EPB41L5: variants seen among roughly 807,000 people sequenced by gnomAD.
EPB41L5 encodes the protein band 4.1-like protein 5.
In EPB41L5, 55 loss-of-function variants were observed where a neutral mutation model predicts 106.6. The ratio of observed to expected loss-of-function variants is 0.52; its 90% CI spans 0.42 to 0.65. The LOEUF (loss-of-function observed/expected upper bound fraction) is 0.65. EPB41L5 is among the 30% of genes least tolerant of loss of function. The probability of loss-of-function intolerance (pLI) is 0.00; values close to 1 mark genes in which losing one functional copy is unlikely to be tolerated. For synonymous variants in EPB41L5, 297 were observed against 306.7 expected (o/e 0.97, Z 0.33); for missense variants, 871 against 882.1 (o/e 0.99, Z 0.16).
rs539456762 is a variant in EPB41L5 at position 120,178,695 on chromosome 2, A to G, written c.*3788A>G. The G allele has an allele frequency of 4.6e-5, 7 of 152,334 alleles. No individual in the cohort carries two copies. Among genetic ancestry groups the G allele is most frequent in the Non-Finnish European group, 8.8e-5 (6 of 68,034 alleles). 9.4% of individuals were successfully genotyped at this position (152,334 alleles called of 1,614,324 possible). ...GTTTGAATTATAGAAATTTGCCCTG[A>G]GCTGAACTGGGTTGTGTTAACACAT... is the stretch of plus-strand genomic sequence containing the variant. On this transcript the variant is annotated 3_prime_UTR_variant, in exon 25 of 25. Transcript: ENST00000263713.
At chr2:120,040,772 G>C (rs546141395) in intron 2 of EPB41L5, among the ~76,000 whole-genome samples, 2 of 152,068 alleles carry the variant, frequency 1.3e-5, no homozygotes, top group Non-Finnish European at 2.9e-5. Context: ...TGAAGGCATG[G>C]TCAAGTTCTT....
intron 16 of EPB41L5, among the ~76,000 whole-genome samples, chr2:120,115,700 T>G (rs892825728): frequency 4.6e-5 from 7 of 152,252 alleles, no homozygotes; most frequent in Admixed American, 4.6e-4. Flanking sequence ...CTCTCTATTT[T>G]AAAACATTGT....
chr2:120,098,359 C>T (rs545560874), intron 14 of EPB41L5, among the ~76,000 whole-genome samples: 3 of 151,738 alleles, frequency 2.0e-5, no homozygotes, highest in African/African-American at 4.8e-5. Flanking sequence ...ACTACAGGCA[C>T]GCACCCTCAC....
chr2:120,124,348 C>G (rs1278928972), intron 16 of EPB41L5, among the ~76,000 whole-genome samples: 1 of 152,166 alleles, frequency 6.6e-6, no homozygotes, highest in Non-Finnish European at 1.5e-5. Flanking sequence ...GAAGTACATG[C>G]ATTCTTTTAT....
intron 20 of EPB41L5, among the ~76,000 whole-genome samples, chr2:120,158,919 A>G (rs1455577161): frequency 1.3e-5 from 2 of 152,200 alleles, no homozygotes; most frequent in South Asian, 2.1e-4. Context: ...GTGTACAAAA[A>G]TCACTAGCAT....
intron 13 of EPB41L5, among the ~76,000 whole-genome samples, chr2:120,092,531 G>T (rs1683489885): frequency 6.6e-6 from 1 of 152,094 alleles, no homozygotes; most frequent in Non-Finnish European, 1.5e-5. Context: ...CCTTGTGTTT[G>T]GTTTTAAACT....
chr2:120,032,427 G>A (rs1371196906), intron 2 of EPB41L5, among the ~76,000 whole-genome samples: 2 of 152,158 alleles, frequency 1.3e-5, no homozygotes, highest in Non-Finnish European at 2.9e-5. Flanking sequence ...GCTGTGATAT[G>A]TAATAATAAG....
chr2:120,163,502 A>G (rs1574785637), intron 21 of EPB41L5, among the ~76,000 whole-genome samples: 1 of 152,096 alleles, frequency 6.6e-6, no homozygotes, highest in African/African-American at 2.4e-5. Context: ...TTATTTTACA[A>G]ACAGAAGCAC....
intron 20 of EPB41L5, among the ~76,000 whole-genome samples, chr2:120,154,938 A>C (rs1686838117): frequency 1.3e-5 from 2 of 152,160 alleles, no homozygotes; most frequent in African/African-American, 4.8e-5. Flanking sequence ...AACAAAAAAA[A>C]AATTGCATAT....
At chr2:120,014,312 G>A (rs1343969648) in intron 1 of EPB41L5, among the ~76,000 whole-genome samples, 1 of 152,090 alleles carries the variant, frequency 6.6e-6, no homozygotes, top group Non-Finnish European at 1.5e-5. Flanking sequence ...CTTCTAGTTA[G>A]GAACTAGAGT....
intron 2 of EPB41L5, among the ~76,000 whole-genome samples, chr2:120,032,151 G>C (rs1678754404): frequency 6.6e-6 from 1 of 152,120 alleles, no homozygotes; most frequent in South Asian, 2.1e-4. Flanking sequence ...GGGAGGCTGA[G>C]GTGGGCGTAT....
At chr2:120,029,492 A>G (rs781513168) in intron 2 of EPB41L5, among the ~76,000 whole-genome samples, 4 of 152,178 alleles carry the variant, frequency 2.6e-5, no homozygotes, top group Non-Finnish European at 5.9e-5. Context: ...TTTTATATAC[A>G]TAGGTAGAGA....
chr2:120,164,076 G>A lies in EPB41L5; in HGVS notation c.1888-760G>A, dbSNP rs1196362260. The stretch of plus-strand genomic sequence containing the variant: ...CGGCTCACTGCAACCTCCACCTCCC[G>A]GGTTCATGCCATTCTCCTGCCTCAG... On this transcript the variant is annotated intron_variant, in intron 21 of 24. Transcript: ENST00000263713. Among the ~76,000 whole-genome samples, 3 of 132,190 alleles carry A rather than the reference G, an allele frequency of 2.3e-5. No individual in the cohort carries two copies. The South Asian group carries it at 7.4e-4, about 33-fold the overall frequency. The allele number at this position is 132,190 out of a possible 152,430, so 86.7% of individuals were successfully genotyped here. A position where few individuals can be genotyped will look rare whatever the true frequency, so the allele number is the denominator to read the frequency against.
At chr2:120,169,071 C>T (rs1463580827) in intron 24 of EPB41L5, among the ~76,000 whole-genome samples, 1 of 151,972 alleles carries the variant, frequency 6.6e-6, no homozygotes, top group Admixed American at 6.6e-5. Context: ...CAGATGAAAG[C>T]AGAGCTTATC....
intron 17 of EPB41L5, among the ~76,000 whole-genome samples, chr2:120,131,193 T>C (rs1713071): frequency 0.24 from 37,121 of 152,088 alleles, 4,787 homozygotes; most frequent in South Asian, 0.35. Context: ...TTGTTCCACA[T>C]AAATTTAGTT....
chr2:120,102,087 G>A (rs1684175586), intron 16 of EPB41L5, among the ~76,000 whole-genome samples: 1 of 152,156 alleles, frequency 6.6e-6, no homozygotes, highest in Non-Finnish European at 1.5e-5. Context: ...TGTTTGCAAG[G>A]AAAAATAGTA....
intron 24 of EPB41L5, 44 bp from the exon 25 acceptor site, chr2:120,174,797 A>G: frequency 6.3e-7 from 1 of 1,582,826 alleles, no homozygotes; most frequent in Non-Finnish European, 8.7e-7. Context: ...TCCTCCTCCA[A>G]ACCCCAGGGG....
chr2:120,127,702 T>C lies in EPB41L5; in HGVS notation c.1352T>C (p.Ile451Thr), dbSNP rs1395761335. The change falls in exon 17 of 25, where the codon ATT becomes ACT. Residue 451 changes from isoleucine (I) to threonine (T), a missense_variant. Transcript: ENST00000263713. ...TTCCATTGCAGCATTCCTCTGAATA[T>C]TGATTTGCTGAATAGCCCAGACTTA... ...QHDRKCIPLNIDLLNSPDLLE... is the reference protein window; with the variant it reads ...QHDRKCIPLNTDLLNSPDLLE... The C allele has an allele frequency of 2.5e-6, 4 of 1,604,258 alleles. No individual in the cohort carries two copies. The highest frequency in any genetic ancestry group is 4.5e-5 in the East Asian group (2 of 44,762).
In EPB41L5 at chr2:120,019,111, A is replaced by G. The variant is rs1482316865; in HGVS notation, c.27A>G (p.Leu9=). 17 of 1,597,074 alleles carry G rather than the reference A, an allele frequency of 1.1e-5. No homozygotes were observed. Among genetic ancestry groups the G allele is most frequent in the Admixed American group, 1.7e-5 (1 of 58,396 alleles). MLSFFRRT[L]GRRSMRKHAE... ...TGCTGAGTTTCTTCCGTAGAACACT[A>G]GGGCGTCGGTCTATGCGTAAACATG... The change falls in exon 2 of 25, where the codon CTA becomes CTG. Residue 9 remains leucine (L), a synonymous_variant. Transcript: ENST00000263713.
Sources: gnomAD v4.1 joint callset for allele counts (sites outside exome capture counted in the v4.1 genomes callset) on GRCh38, gnomAD v4.1.1 for gene constraint, MANE v1.5 for transcripts, NCBI Gene and HGNC (gene_info 2026-07-23, HGNC 2026-07-21) for gene names.